The following SATB2 variants were observed in gnomAD, a reference collection of about 807,000 sequenced individuals.
SATB2 encodes DNA-binding protein SATB2.
In SATB2, 1 loss-of-function variant was observed where a neutral mutation model predicts 73.4. That is an observed-to-expected ratio of 0.01 (90% CI 0.00 to 0.06). The LOEUF (loss-of-function observed/expected upper bound fraction) is 0.06. Among genes scored for constraint, SATB2 ranks in the 10% least tolerant of loss-of-function variants. The pLI is 1.00. For synonymous variants in SATB2, 397 were observed against 367.0 expected, an observed-to-expected ratio of 1.08 and a Z score of -0.93; for missense variants, 459 against 945.8, an observed-to-expected ratio of 0.49 and a Z score of 6.75.
intron 2 of SATB2, among the ~76,000 whole-genome samples, chr2:199,437,607 G>C (rs187766853): frequency 6.6e-6 from 1 of 152,248 alleles, no homozygotes; most frequent in East Asian, 1.9e-4. Flanking sequence ...GTGTGACCTT[G>C]AGTAGTTCAT....
chr2:199,312,841 C>T (rs1285375754), intron 9 of SATB2, among the ~76,000 whole-genome samples: 1 of 152,112 alleles, frequency 6.6e-6, no homozygotes, highest in Non-Finnish European at 1.5e-5. Context: ...GCCCAAAATG[C>T]ATAACCTCAG....
At position 199,281,444 on chromosome 2, in the gene SATB2, T is replaced by C. The variant is rs371668627; in HGVS notation, c.1741-8772A>G. Among the ~76,000 whole-genome samples, 14 of 149,336 alleles carry C rather than the reference T, an allele frequency of 9.4e-5. No homozygotes were observed. The Middle Eastern group carries it at 0.017, about 183-fold the overall frequency. ...GGTCCTGTAGGCTAAGGTACATTAATAGGAGATGAGAACACAAACAAGATG... is the reference window on the plus strand; with the variant it reads ...GGTCCTGTAGGCTAAGGTACATTAACAGGAGATGAGAACACAAACAAGATG... On this transcript the variant is annotated intron_variant, in intron 10 of 10. Transcript: ENST00000417098.
intron 10 of SATB2, among the ~76,000 whole-genome samples, chr2:199,305,936 T>A (rs1052478753): frequency 5.3e-5 from 8 of 150,600 alleles, no homozygotes; most frequent in Admixed American, 1.3e-4. Flanking sequence ...TAATCACTGA[T>A]TTTACCCATA....
At chr2:199,350,450 T>C (rs1316847543) in intron 6 of SATB2, among the ~76,000 whole-genome samples, 1 of 152,134 alleles carries the variant, frequency 6.6e-6, no homozygotes, top group Non-Finnish European at 1.5e-5. Flanking sequence ...TGACAGACAC[T>C]GATGCCAAAT....
chr2:199,426,587 A>T (rs755108624), intron 3 of SATB2, among the ~76,000 whole-genome samples: 27 of 151,828 alleles, frequency 1.8e-4, no homozygotes, highest in Non-Finnish European at 3.4e-4. Flanking sequence ...GTCAGCCACC[A>T]CGCCTGAACC....
intron 10 of SATB2, among the ~76,000 whole-genome samples, chr2:199,279,866 C>A (rs139202067): frequency 1.4e-4 from 21 of 152,322 alleles, no homozygotes; most frequent in African/African-American, 5.1e-4. Flanking sequence ...TAAGGTCAGG[C>A]ACGGTAGATG....
At chr2:199,295,940 T>C (rs867941141) in intron 10 of SATB2, among the ~76,000 whole-genome samples, 3 of 152,196 alleles carry the variant, frequency 2.0e-5, no homozygotes, top group African/African-American at 4.8e-5. Context: ...TTTCCTTTAA[T>C]TGAAAGTGTG....
chr2:199,336,112 G>A (rs147752165), intron 7 of SATB2, among the ~76,000 whole-genome samples: 20 of 152,164 alleles, frequency 1.3e-4, no homozygotes, highest in African/African-American at 4.1e-4. Flanking sequence ...CTTAATCTAC[G>A]TAATGATTAT....
chr2:199,414,110 T>C (rs1369618080), intron 3 of SATB2, among the ~76,000 whole-genome samples: 6 of 152,162 alleles, frequency 3.9e-5, no homozygotes, highest in Non-Finnish European at 5.9e-5. Context: ...TACTTTACAA[T>C]AGATTCAAGT....
Position 199,433,409 on chromosome 2 carries a change from A to G in SATB2, c.275T>C (p.Leu92Pro), listed in dbSNP as rs746334982. 10 of 1,614,106 alleles carry G rather than the reference A, an allele frequency of 6.2e-6. No homozygotes were observed. Among genetic ancestry groups the G allele is most frequent in the Non-Finnish European group, 8.5e-6 (10 of 1,180,050 alleles). The change falls in exon 3 of 11, where the codon CTT (leucine) becomes CCT (proline). Residue 92 changes from leucine (L) to proline (P), a missense_variant. Physicochemically the swap from Leu to Pro is moderately conservative, Grantham distance 98. This residue lies in a region of SATB2 where 56 missense variants were observed against 183.7 expected (regional missense o/e 0.30). Transcript: ENST00000417098. The part of the protein sequence containing the change: ...AEFVLVRKDV[L>P]FSQLVETALL... ...CGCAGTCTCCACCAGCTGGCTAAAA[A>G]GCACATCTTTCCGCACCAGGACAAA...
At chr2:199,275,425 T>C (rs1407009642) in intron 10 of SATB2, among the ~76,000 whole-genome samples, 1 of 152,172 alleles carries the variant, frequency 6.6e-6, no homozygotes, top group Admixed American at 6.5e-5. Flanking sequence ...CAGGCAGTTC[T>C]AAGAACTTCA....
At chr2:199,410,983 T>C (rs1690796186) in intron 3 of SATB2, among the ~76,000 whole-genome samples, 2 of 152,212 alleles carry the variant, frequency 1.3e-5, no homozygotes, top group Admixed American at 6.5e-5. Flanking sequence ...ACCTGGAATT[T>C]TTTTTTCCTA....
At chr2:199,418,234 C>T (rs1691053424) in intron 3 of SATB2, among the ~76,000 whole-genome samples, 2 of 152,176 alleles carry the variant, frequency 1.3e-5, no homozygotes, top group Non-Finnish European at 2.9e-5. Flanking sequence ...AATCGCAGAG[C>T]TGGGAAGTGG....
chr2:199,437,967 T>C (rs1691700686), intron 2 of SATB2, among the ~76,000 whole-genome samples: 1 of 152,176 alleles, frequency 6.6e-6, no homozygotes, highest in South Asian at 2.1e-4. Context: ...GTGAAAGTGC[T>C]TAAAAGCACA....
chr2:199,449,496 A>C (rs1300241950), intron 2 of SATB2, among the ~76,000 whole-genome samples: 7 of 152,206 alleles, frequency 4.6e-5, no homozygotes, highest in Non-Finnish European at 8.8e-5. Flanking sequence ...TGTTATGCTT[A>C]CAGGGCTTGT....
At position 199,456,103 on chromosome 2, in the gene SATB2, A is replaced by AG; in HGVS notation, c.-59-8dup. The AG allele has an allele frequency of 2.4e-5, 2 of 83,862 alleles. No homozygotes were observed. The highest frequency in any genetic ancestry group is 2.8e-4 in the Admixed American group (1 of 3,608). The allele number at this position is 83,862 out of a possible 1,614,324, so 5.2% of individuals were successfully genotyped here. A position where few individuals can be genotyped will look rare whatever the true frequency, so the allele number is the denominator to read the frequency against. ...CAATAAAACGCACAGGGACCTAGGG[A>AG]GGGGGTGGGGGGAGGAAGGGGGAGG... On this transcript the variant is annotated splice_polypyrimidine_tract_variant and splice_region_variant and intron_variant, in intron 1 of 10. Transcript: ENST00000417098.
intron 9 of SATB2, among the ~76,000 whole-genome samples, chr2:199,313,594 A>G (rs1293721591): frequency 6.6e-6 from 1 of 152,200 alleles, no homozygotes; most frequent in Non-Finnish European, 1.5e-5. Context: ...CACTCCTACC[A>G]GTCAAGATAT....
chr2:199,379,207 A>T (rs1236794778), intron 5 of SATB2, among the ~76,000 whole-genome samples: 13 of 152,322 alleles, frequency 8.5e-5, no homozygotes, highest in African/African-American at 3.1e-4. Context: ...CACAAATGGA[A>T]AAGGCAGCCC....
intron 2 of SATB2, among the ~76,000 whole-genome samples, chr2:199,442,074 A>G (rs73067560): frequency 0.018 from 2,712 of 152,284 alleles, 81 homozygotes; most frequent in African/African-American, 0.061. Flanking sequence ...TAGCTGCCTC[A>G]TGCCCCTCCC....
Sources: gnomAD v4.1 joint callset for allele counts (sites outside exome capture counted in the v4.1 genomes callset) on GRCh38, gnomAD v4.1.1 for gene constraint, gnomAD v4.1.1 regional missense constraint, MANE v1.5 for transcripts, NCBI Gene and HGNC (gene_info 2026-07-23, HGNC 2026-07-21) for gene names.